SMARCD3: variants seen among roughly 807,000 people sequenced by gnomAD.
The protein encoded by SMARCD3 is SWI/SNF related BAF chromatin remodeling complex subunit D3.
In SMARCD3, 14 loss-of-function variants were observed where a neutral mutation model predicts 58.0. The observed-to-expected ratio is 0.24, with a 90% CI of 0.16 to 0.38. The LOEUF is 0.38. Ranked by LOEUF, SMARCD3 falls within the 10% of genes least tolerant of loss-of-function variation. SMARCD3 has a pLI of 1.00. For synonymous variants in SMARCD3, 253 were observed against 253.8 expected (o/e 1.00, Z 0.03); for missense variants, 408 against 636.9 (o/e 0.64, Z 3.87).
intron 2 of SMARCD3, among the ~76,000 whole-genome samples, chr7:151,256,273 C>A (rs1006636029): frequency 3.3e-5 from 5 of 151,722 alleles, no homozygotes; most frequent in African/African-American, 1.2e-4. Context: ...TGGGCTCAAG[C>A]AATTCTTGTG....
intron 2 of SMARCD3, among the ~76,000 whole-genome samples, chr7:151,258,987 C>A (rs1318411510): frequency 6.6e-6 from 1 of 152,168 alleles, no homozygotes; most frequent in Non-Finnish European, 1.5e-5. Flanking sequence ...CCTACAGGAC[C>A]CTACCCTTCC....
Position 151,248,563 on chromosome 7 carries a change from C to T in SMARCD3, c.-1G>A, listed in dbSNP as rs1488934220. ...CTCCGGCAACTTCGTCCGCGGCCAT[C>T]GGGGTGGGCTCAGCGGCTCCTCTCA... On this transcript the variant is annotated 5_prime_UTR_variant, in exon 1 of 13. Transcript: ENST00000262188. The surrounding 1 kb of genome is among the most constrained non-coding windows in gnomAD (Gnocchi z 6.1). 1 of 1,613,494 alleles carries T rather than the reference C, an allele frequency of 6.2e-7. No homozygotes were observed. The highest frequency in any genetic ancestry group is 1.1e-5 in the South Asian group (1 of 91,066).
chr7:151,260,572 T>C (rs1409381100), intron 2 of SMARCD3, among the ~76,000 whole-genome samples: 1 of 152,144 alleles, frequency 6.6e-6, no homozygotes, highest in African/African-American at 2.4e-5. Flanking sequence ...CACAACCAAG[T>C]GTAACTCCTG....
chr7:151,261,458 C>T (rs901047852), intron 2 of SMARCD3, among the ~76,000 whole-genome samples: 3 of 152,210 alleles, frequency 2.0e-5, no homozygotes, highest in East Asian at 1.9e-4. Context: ...ATCATGTTAC[C>T]TGACCTGTCT....
In SMARCD3 at chr7:151,239,450, C is replaced by T. The variant is rs1197305090; in HGVS notation, c.1344G>A (p.Glu448=). The part of the protein sequence containing the change: ...AGNPEEERRA[E]FYHQPWSQEA... ...CCTGGGACCAGGGCTGGTGGTAGAACTCAGCCCGGCGCTCCTCTTCAGGGT... is the reference window on the plus strand; with the variant it reads ...CCTGGGACCAGGGCTGGTGGTAGAATTCAGCCCGGCGCTCCTCTTCAGGGT... Residue 448 remains glutamate (E), a synonymous_variant, in exon 12 of 13, where the codon GAG becomes GAA. Coordinates refer to ENST00000262188, the MANE Select transcript of SMARCD3 (RefSeq NM_001003801.2). The surrounding 1 kb of genome is among the most constrained non-coding windows in gnomAD (Gnocchi z 7.0). 6.2e-7 allele frequency: 1 copy of T among 1,613,862 alleles called. No individual in the cohort carries two copies. The highest frequency in any genetic ancestry group is 1.7e-5 in the Admixed American group (1 of 60,028).
chr7:151,249,122 C>G (rs1156902461), upstream of SMARCD3: 2 of 152,152 alleles, frequency 1.3e-5, no homozygotes, highest in African/African-American at 2.4e-5. The surrounding 1 kb of genome is among the most constrained non-coding windows in gnomAD (Gnocchi z 4.8). Flanking sequence ...GCGGCTCCTG[C>G]TGCATTTCTG....
intron 1 of SMARCD3, among the ~76,000 whole-genome samples, chr7:151,276,277 T>G: frequency 7.7e-6 from 1 of 130,104 alleles, no homozygotes; most frequent in Non-Finnish European, 1.7e-5. Flanking sequence ...AGGTGCTAGG[T>G]AGGGGAAGGA....
intron 2 of SMARCD3, among the ~76,000 whole-genome samples, chr7:151,257,775 G>A (rs917587473): frequency 4.6e-5 from 7 of 152,074 alleles, no homozygotes; most frequent in African/African-American, 1.7e-4. Flanking sequence ...GGAGCGCCAG[G>A]ACTCAGGCCT....
intron 2 of SMARCD3, among the ~76,000 whole-genome samples, chr7:151,256,699 C>G (rs1382339424): frequency 6.6e-6 from 1 of 152,106 alleles, no homozygotes; most frequent in Admixed American, 6.6e-5. Context: ...TTTTTTGCAG[C>G]TTCTCCCTCC....
At chr7:151,253,355 G>A (rs571290057), upstream of SMARCD3, among the ~76,000 whole-genome samples, 4 of 152,216 alleles carry the variant, frequency 2.6e-5, no homozygotes, top group South Asian at 4.1e-4. Context: ...CCCCTGTCAC[G>A]CACACCTGGC....
chr7:151,268,872 G>A (rs1218302525), intron 2 of SMARCD3, among the ~76,000 whole-genome samples: 1 of 152,056 alleles, frequency 6.6e-6, no homozygotes, highest in African/African-American at 2.4e-5. Context: ...CCAAAGTGCC[G>A]AGATTACAGG....
intron 1 of SMARCD3, among the ~76,000 whole-genome samples, chr7:151,275,473 G>A (rs541360149): frequency 2.6e-5 from 4 of 152,322 alleles, no homozygotes; most frequent in South Asian, 2.1e-4. Flanking sequence ...GACAGAGACC[G>A]GCCCCAGGGT....
intron 2 of SMARCD3, among the ~76,000 whole-genome samples, chr7:151,265,199 T>C (rs1219239336): frequency 6.6e-6 from 1 of 152,152 alleles, no homozygotes; most frequent in Non-Finnish European, 1.5e-5. Context: ...AAACAGGTAA[T>C]CAATTTAAAA....
At position 151,243,523 on chromosome 7, in the gene SMARCD3, C is replaced by T. The variant is rs913957665; in HGVS notation, c.333+136G>A. 1 of 671,458 alleles carries T rather than the reference C, an allele frequency of 1.5e-6. No homozygotes were observed. Among genetic ancestry groups the T allele is most frequent in the African/African-American group, 1.8e-5 (1 of 56,396 alleles). The allele number at this position is 671,458 out of a possible 1,614,324, so 41.6% of individuals were successfully genotyped here. ...ACCCCCTCCCTCTGGCCTGCGGAGC[C>T]TCACTTATTAATGAGCTTTTTTAAA... On this transcript the variant is annotated intron_variant, in intron 3 of 12. Transcript: ENST00000262188. The surrounding 1 kb of genome is among the most constrained non-coding windows in gnomAD (Gnocchi z 4.4).
chr7:151,241,422 G>T lies in SMARCD3; in HGVS notation c.939+70C>A. On this transcript the variant is annotated intron_variant, in intron 8 of 12. Coordinates refer to ENST00000262188, the MANE Select transcript of SMARCD3 (RefSeq NM_001003801.2). The surrounding 1 kb of genome is among the most constrained non-coding windows in gnomAD (Gnocchi z 5.3). ...AGAAGGGAGGGGTGGTAGTTACCTT[G>T]GTAGAGGTACTTCCCCTGCTGGAGA... The T allele has an allele frequency of 1.5e-6, 2 of 1,337,134 alleles. No homozygotes were observed. Among genetic ancestry groups the T allele is most frequent in the Non-Finnish European group, 2.1e-6 (2 of 944,644 alleles). 82.8% of individuals were successfully genotyped at this position (1,337,134 alleles called of 1,614,324 possible).
chr7:151,251,229 A>G (rs549538625), upstream of SMARCD3, among the ~76,000 whole-genome samples: 2 of 152,242 alleles, frequency 1.3e-5, no homozygotes, highest in Admixed American at 6.5e-5. Context: ...ACCCAAGTCC[A>G]TACATAAGCG....
Position 151,243,608 on chromosome 7 carries a change from G to T in SMARCD3, c.333+51C>A. The T allele has an allele frequency of 1.0e-6, 1 of 966,142 alleles. No individual in the cohort carries two copies. 59.8% of individuals were successfully genotyped at this position (966,142 alleles called of 1,614,324 possible). ...GCTTCTGAGGGGGGAGGGGAGGGCG[G>T]AGCAGCAAAGGGTGGGGGGTGGGCT... On this transcript the variant is annotated intron_variant, in intron 3 of 12. Transcript: ENST00000262188. This position sits in a 1 kb window ranked among gnomAD's most constrained non-coding sequence, Gnocchi z 4.4.
intron 2 of SMARCD3, among the ~76,000 whole-genome samples, chr7:151,260,745 C>T (rs1803891049): frequency 6.6e-6 from 1 of 152,162 alleles, no homozygotes; most frequent in African/African-American, 2.4e-5. Flanking sequence ...CCACTTGGTG[C>T]TAGGTTTGGA....
In SMARCD3 at chr7:151,263,393, G is replaced by C. The variant is rs540799318; in HGVS notation, c.39+11721C>G. 5.9e-5 allele frequency among the ~76,000 whole-genome samples: 9 copies of C among 152,124 alleles called. No homozygotes were observed. In the South Asian group the frequency reaches 1.9e-3, roughly 32 times the overall value. ...GCAGGATGTCCATGTGTCCACCAAG[G>C]CCCTACCACTTTCACCAAGGGGGCC... On this transcript the variant is annotated intron_variant, in intron 2 of 13. Transcript: ENST00000356800.
Sources: allele counts gnomAD v4.1 joint callset (sites outside exome capture counted in the v4.1 genomes callset), GRCh38; gene constraint gnomAD v4.1.1; non-coding constraint Gnocchi (gnomAD v3.1); transcripts MANE v1.5; gene names NCBI Gene and HGNC (gene_info 2026-07-23, HGNC 2026-07-21).